GPC6: variants seen among roughly 807,000 people sequenced by gnomAD.
The protein encoded by GPC6 is glypican-6.
Under a neutral mutation model 55.2 loss-of-function variants are expected in GPC6, and 14 were observed. The observed-to-expected ratio is 0.25, with a 90% CI of 0.17 to 0.40. The LOEUF (loss-of-function observed/expected upper bound fraction) is 0.40, where lower values mean the gene tolerates loss of function less well. Among genes scored for constraint, GPC6 ranks in the 10% least tolerant of loss-of-function variants. GPC6 has a pLI of 1.00. For synonymous variants in GPC6, 278 were observed against 259.6 expected (o/e 1.07, Z -0.68); for missense variants, 641 against 708.5 (o/e 0.90, Z 1.08).
In GPC6 at chr13:94,227,679, T is replaced by C. The variant is rs148814703; in HGVS notation, c.878-58670T>C. On this transcript the variant is annotated intron_variant, in intron 4 of 8. Transcript: ENST00000377047. ...CTGGATAGGCTAGGTGATGCAGCAG[T>C]AACAAACAACCCCGAGATCTTGGTG... Among the ~76,000 whole-genome samples the C allele has an allele frequency of 3.6e-3, 550 of 152,298 alleles. 1 individual carries two copies. The highest frequency in any genetic ancestry group is 0.02 in the Middle Eastern group (6 of 294).
chr13:94,086,542 A>G (rs1885289238), intron 4 of GPC6, among the ~76,000 whole-genome samples: 1 of 152,200 alleles, frequency 6.6e-6, no homozygotes, highest in Non-Finnish European at 1.5e-5. Context: ...TAGAAATTAT[A>G]AGTGGAAGCA....
At chr13:94,026,846 T>C (rs1375297379) in intron 3 of GPC6, among the ~76,000 whole-genome samples, 1 of 151,934 alleles carries the variant, frequency 6.6e-6, no homozygotes, top group African/African-American at 2.4e-5. Context: ...TATAAAACCA[T>C]CACATCTGGT....
intron 2 of GPC6, among the ~76,000 whole-genome samples, chr13:93,709,950 A>T (rs1233867049): frequency 6.6e-6 from 1 of 151,842 alleles, no homozygotes; most frequent in African/African-American, 2.4e-5. Flanking sequence ...AAACATAATT[A>T]AAAGCACATT....
chr13:93,637,608 G>A (rs1879751739), intron 2 of GPC6, among the ~76,000 whole-genome samples: 1 of 152,070 alleles, frequency 6.6e-6, no homozygotes, highest in Non-Finnish European at 1.5e-5. Flanking sequence ...TTTCCTATAG[G>A]TGATGTTCTA....
chr13:93,867,123 A>G (rs964355109), intron 3 of GPC6, among the ~76,000 whole-genome samples: 2 of 151,636 alleles, frequency 1.3e-5, no homozygotes, highest in African/African-American at 4.8e-5. Context: ...ATTTCCAAAA[A>G]TTTCATTTAC....
At chr13:94,299,648 C>G (rs1327596337) in intron 5 of GPC6, among the ~76,000 whole-genome samples, 2 of 152,250 alleles carry the variant, frequency 1.3e-5, no homozygotes, top group South Asian at 2.1e-4. Context: ...AGCAGAGGGC[C>G]CTCGCCAGAT....
intron 2 of GPC6, among the ~76,000 whole-genome samples, chr13:93,642,707 G>A (rs1485396995): frequency 1.3e-5 from 2 of 151,968 alleles, no homozygotes; most frequent in Admixed American, 1.3e-4. Context: ...ACAGAACAAC[G>A]ATTTTTACTC....
Position 93,652,672 on chromosome 13 carries a change from CAT to C in GPC6, c.319+107252_319+107253del, listed in dbSNP as rs1299387197. Among the ~76,000 whole-genome samples, 4 of 152,180 alleles carry C rather than the reference CAT, an allele frequency of 2.6e-5. No homozygotes were observed. In the East Asian group the frequency reaches 7.7e-4, roughly 29 times the overall value. On this transcript the variant is annotated intron_variant, in intron 2 of 8. Coordinates refer to ENST00000377047, the MANE Select transcript of GPC6 (RefSeq NM_005708.5). ...GTTTAAACTTCCAGGAGTGATTTGT[CAT>C]TCCCTCCACCCCCATCCTCATTTCA...
Position 94,098,820 on chromosome 13 carries a change from A to G in GPC6, c.877+70926A>G, listed in dbSNP as rs1332545167. Among the ~76,000 whole-genome samples, 5 of 152,310 alleles carry G rather than the reference A, an allele frequency of 3.3e-5. No homozygotes were observed. In the South Asian group the frequency reaches 6.2e-4, roughly 19 times the overall value. ...AAGCAAAATATTTGACGGGACAATA[A>G]GAGTATTATATATATATTATTTCTT... On this transcript the variant is annotated intron_variant, in intron 4 of 8. Transcript: ENST00000377047.
At chr13:93,550,082 A>T (rs1216025747) in intron 2 of GPC6, among the ~76,000 whole-genome samples, 3 of 152,150 alleles carry the variant, frequency 2.0e-5, no homozygotes, top group Admixed American at 1.3e-4. Context: ...TTAAATTGGA[A>T]TTTGTCCCTA....
chr13:94,347,744 G>C (rs1187627025), intron 6 of GPC6, among the ~76,000 whole-genome samples: 1 of 152,198 alleles, frequency 6.6e-6, no homozygotes, highest in Non-Finnish European at 1.5e-5. Flanking sequence ...TAAATGTAGA[G>C]ATTTGGATGA....
At chr13:93,575,141 A>G (rs1446328167) in intron 2 of GPC6, among the ~76,000 whole-genome samples, 1 of 152,120 alleles carries the variant, frequency 6.6e-6, no homozygotes, top group Non-Finnish European at 1.5e-5. Context: ...TAAAAATACA[A>G]AAATTAGCAG....
chr13:93,440,256 A>G (rs1314321777), intron 1 of GPC6, among the ~76,000 whole-genome samples: 2 of 152,010 alleles, frequency 1.3e-5, no homozygotes, highest in East Asian at 3.9e-4. Flanking sequence ...GATTTCTGGA[A>G]CTCCCTGTCA....
intron 4 of GPC6, among the ~76,000 whole-genome samples, chr13:94,118,834 A>G (rs1345936266): frequency 2.0e-5 from 3 of 152,056 alleles, no homozygotes; most frequent in Non-Finnish European, 2.9e-5. Context: ...GAAACCTACT[A>G]TATGCCAAAG....
chr13:94,029,042 G>A (rs1322609835), intron 4 of GPC6, among the ~76,000 whole-genome samples: 1 of 152,210 alleles, frequency 6.6e-6, no homozygotes, highest in Non-Finnish European at 1.5e-5. Flanking sequence ...CGTCATTTAT[G>A]CAAACCTCTA....
intron 1 of GPC6, among the ~76,000 whole-genome samples, chr13:93,536,916 A>G (rs1188389217): frequency 6.6e-6 from 1 of 152,218 alleles, no homozygotes; most frequent in African/African-American, 2.4e-5. Context: ...TTTAAAGTAA[A>G]TAACTCAAGG....
chr13:93,900,617 C>G (rs1876291954), intron 3 of GPC6, among the ~76,000 whole-genome samples: 1 of 152,108 alleles, frequency 6.6e-6, no homozygotes, highest in Admixed American at 6.6e-5. Context: ...AGTTTTATCT[C>G]AGTAAGAGTT....
intron 4 of GPC6, among the ~76,000 whole-genome samples, chr13:94,277,579 C>A (rs746809981): frequency 1.2e-4 from 19 of 152,132 alleles, no homozygotes; most frequent in Non-Finnish European, 2.5e-4. Flanking sequence ...ACATTTAAGT[C>A]TTTAATCCAT....
intron 4 of GPC6, among the ~76,000 whole-genome samples, chr13:94,244,151 T>C (rs72645996): frequency 6.6e-6 from 1 of 151,982 alleles, no homozygotes; most frequent in Non-Finnish European, 1.5e-5. Flanking sequence ...AAGTTAGAGA[T>C]CTATTGTGTG....
Sources: gnomAD v4.1 joint callset for allele counts (sites outside exome capture counted in the v4.1 genomes callset) on GRCh38, gnomAD v4.1.1 for gene constraint, MANE v1.5 for transcripts, NCBI Gene and HGNC (gene_info 2026-07-23, HGNC 2026-07-21) for gene names.